The following CEP128 variants were observed in gnomAD, a reference collection of about 807,000 sequenced individuals.
CEP128 encodes centrosomal protein 128.
CEP128 carries 132 observed loss-of-function variants against 156.7 expected under a neutral mutation model. The ratio of observed to expected loss-of-function variants is 0.84; its 90% CI spans 0.73 to 0.97. The LOEUF (loss-of-function observed/expected upper bound fraction) is 0.97. Ranked by LOEUF, CEP128 falls within the 50% of genes least tolerant of loss-of-function variation. The probability of loss-of-function intolerance (pLI) is 0.00; values close to 1 mark genes in which losing one functional copy is unlikely to be tolerated. For synonymous variants in CEP128, 469 were observed against 448.9 expected, an observed-to-expected ratio of 1.04 and a Z score of -0.57; for missense variants, 1,252 against 1,281.9, an observed-to-expected ratio of 0.98 and a Z score of 0.36.
At chr14:80,873,421 A>C (rs561034370) in intron 8 of CEP128, among the ~76,000 whole-genome samples, 1 of 152,348 alleles carries the variant, frequency 6.6e-6, no homozygotes, top group South Asian at 2.1e-4. Context: ...TATGTGAAAG[A>C]AATCCAAATA....
In CEP128 at chr14:80,956,935, G is replaced by T. The variant is rs1886725616; in HGVS notation, c.-172+1243C>A. Among the ~76,000 whole-genome samples the T allele has an allele frequency of 2.0e-5, 3 of 152,220 alleles. No individual in the cohort carries two copies. In the South Asian group the frequency reaches 6.2e-4, roughly 32 times the overall value. ...CCACCACAGAATAAGATGTGTAAAAGGTGTAATGGCCTCTTGATTACACCT... is the reference window on the plus strand; with the variant it reads ...CCACCACAGAATAAGATGTGTAAAATGTGTAATGGCCTCTTGATTACACCT... On this transcript the variant is annotated intron_variant, in intron 2 of 7. Transcript: ENST00000555529.
intron 19 of CEP128, among the ~76,000 whole-genome samples, chr14:80,599,111 G>A (rs1892467665): frequency 6.6e-6 from 1 of 152,064 alleles, no homozygotes; most frequent in African/African-American, 2.4e-5. Flanking sequence ...AACATCACAA[G>A]TTTAATTTAA....
rs1595564829 is a variant in CEP128 at position 80,899,876 on chromosome 14, C to A, written c.572+62G>T. ...AAAATCTAGATAAATATGTCAATTA[C>A]AGAAGCTAATTTATTCTCCTCATAA... On this transcript the variant is annotated intron_variant, in intron 7 of 24. Transcript: ENST00000555265. The A allele has an allele frequency of 9.9e-5, 114 of 1,147,466 alleles. No homozygotes were observed. The East Asian group carries it at 2.6e-3, about 26-fold the overall frequency. The allele number at this position is 1,147,466 out of a possible 1,614,324, so 71.1% of individuals were successfully genotyped here. A position where few individuals can be genotyped will look rare whatever the true frequency, so the allele number is the denominator to read the frequency against.
At chr14:80,669,038 A>G (rs2596113) in intron 19 of CEP128, among the ~76,000 whole-genome samples, 92,437 of 152,070 alleles carry the variant, frequency 0.61, 30,393 homozygotes, top group African/African-American at 0.87. Context: ...ACCCAGTCTA[A>G]GGTATGACTT....
At chr14:80,621,452 A>G (rs908101769) in intron 19 of CEP128, among the ~76,000 whole-genome samples, 1 of 152,222 alleles carries the variant, frequency 6.6e-6, no homozygotes, top group Non-Finnish European at 1.5e-5. Context: ...GTGTTCTTAT[A>G]TTAATGATAA....
At chr14:80,492,514 G>A (rs979934411), downstream of CEP128, among the ~76,000 whole-genome samples, 1 of 152,102 alleles carries the variant, frequency 6.6e-6, no homozygotes, top group Non-Finnish European at 1.5e-5. Flanking sequence ...CTGAGGAGAG[G>A]ACTGGATACC....
At chr14:80,773,361 A>T (rs1900618151) in intron 16 of CEP128, among the ~76,000 whole-genome samples, 1 of 152,176 alleles carries the variant, frequency 6.6e-6, no homozygotes, top group Admixed American at 6.5e-5. Flanking sequence ...AATATTGTAT[A>T]TATTCTTTGA....
At chr14:80,886,036 GA>G (rs1293673154) in intron 8 of CEP128, among the ~76,000 whole-genome samples, 2 of 152,034 alleles carry the variant, frequency 1.3e-5, no homozygotes, top group Non-Finnish European at 2.9e-5. Context: ...ATCAGAGATT[GA>G]AGATCAACTA....
chr14:80,611,410 C>T (rs1424809016), intron 19 of CEP128, among the ~76,000 whole-genome samples: 1 of 151,662 alleles, frequency 6.6e-6, no homozygotes, highest in African/African-American at 2.4e-5. Context: ...TTATGGCCAA[C>T]TTGAAATCAG....
chr14:80,900,054 C>G, intron 6 of CEP128, 25 bp from the exon 7 acceptor site: 1 of 1,485,056 alleles, frequency 6.7e-7, no homozygotes, highest in South Asian at 1.2e-5. Context: ...ACACAGTTAT[C>G]CATTTAGAAT....
At position 80,778,003 on chromosome 14, in the gene CEP128, C is replaced by T. The variant is rs767533048; in HGVS notation, c.2255G>A (p.Gly752Asp). The change falls in exon 16 of 25, where the codon GGT becomes GAT. Residue 752 changes from glycine to aspartate, a missense_variant. By Grantham distance (94) the Gly-to-Asp change is moderately conservative. Coordinates refer to ENST00000555265, the MANE Select transcript of CEP128 (RefSeq NM_152446.5). The part of the protein sequence containing the change: ...EEKNMAKIHR[G>D]QLEKLKSQCD... ...CTGTGATTTCAACTTCTCCAGCTGA[C>T]CACGATGAATTTTAGCCATATTCTT... 1.7e-5 allele frequency: 27 copies of T among 1,613,462 alleles called. No individual in the cohort carries two copies. Among genetic ancestry groups the T allele is most frequent in the Non-Finnish European group, 2.3e-5 (27 of 1,179,836 alleles).
chr14:80,593,874 T>C lies in CEP128; in HGVS notation c.2807-13451A>G, dbSNP rs546237532. 4.6e-5 allele frequency among the ~76,000 whole-genome samples: 7 copies of C among 152,310 alleles called. No homozygotes were observed. In the South Asian group the frequency reaches 1.2e-3, roughly 27 times the overall value. ...CATGCTCATGAATAGGAAGAATTAA[T>C]ATTGTGAAAATGGCCATACTGCCCG... On this transcript the variant is annotated intron_variant, in intron 19 of 24. Transcript: ENST00000555265.
chr14:80,794,617 CT>C (rs1167635034), intron 13 of CEP128, among the ~76,000 whole-genome samples: 1 of 152,072 alleles, frequency 6.6e-6, no homozygotes, highest in Non-Finnish European at 1.5e-5. Flanking sequence ...ACTGATTTTT[CT>C]TTTCAACAAA....
At chr14:80,944,850 A>ACC (rs1886296181), upstream of CEP128, among the ~76,000 whole-genome samples, 38 of 113,214 alleles carry the variant, frequency 3.4e-4, no homozygotes, top group African/African-American at 1.2e-3. Context: ...AAAAAAAAAA[A>ACC]AAAAAAACAG....
chr14:80,548,705 C>T (rs1890089337), intron 21 of CEP128, among the ~76,000 whole-genome samples: 1 of 152,162 alleles, frequency 6.6e-6, no homozygotes, highest in Admixed American at 6.5e-5. Context: ...AACACATTAT[C>T]AACCAAGGAA....
intron 19 of CEP128, among the ~76,000 whole-genome samples, chr14:80,629,747 C>G (rs1484129514): frequency 1.3e-5 from 2 of 151,864 alleles, no homozygotes; most frequent in Non-Finnish European, 2.9e-5. Flanking sequence ...CCCTTGTTTT[C>G]ATCTTTTCTT....
In CEP128 at chr14:80,761,497, T is replaced by C. The variant is rs1899966105; in HGVS notation, c.2493A>G (p.Ile831Met). 1 of 1,612,400 alleles carries C rather than the reference T, an allele frequency of 6.2e-7. No individual in the cohort carries two copies. Among genetic ancestry groups the C allele is most frequent in the East Asian group, 2.2e-5 (1 of 44,840 alleles). ...TACAAGCTGCATCAATTTCCTTTCC[T>C]ATCACACCAAGAATGGATTCCTGTT... Reference protein sequence around the residue: ...ETEQESILGVIGKEIDAACKT... With the variant: ...ETEQESILGVMGKEIDAACKT... Residue 831 changes from isoleucine (I) to methionine (M), a missense_variant, in exon 17 of 25, where the codon ATA (isoleucine) becomes ATG (methionine). Transcript: ENST00000555265.
intron 17 of CEP128, among the ~76,000 whole-genome samples, chr14:80,760,242 A>ATAT (rs1899892087): frequency 1.3e-5 from 2 of 152,032 alleles, no homozygotes; most frequent in African/African-American, 2.4e-5. Flanking sequence ...TATTAGACTC[A>ATAT]TAGTCTTTTC....
chr14:80,855,206 T>G (rs901252301), intron 9 of CEP128, among the ~76,000 whole-genome samples: 1 of 152,094 alleles, frequency 6.6e-6, no homozygotes, highest in Non-Finnish European at 1.5e-5. Context: ...TCTTGGTGGT[T>G]TGAGGGCTCT....
Sources: allele counts gnomAD v4.1 joint callset (sites outside exome capture counted in the v4.1 genomes callset), GRCh38; gene constraint gnomAD v4.1.1; transcripts MANE v1.5; gene names NCBI Gene and HGNC (gene_info 2026-07-23, HGNC 2026-07-21).